The following GPC6 variants were observed in gnomAD, a reference collection of about 807,000 sequenced individuals.
GPC6 encodes the protein glypican 6.
In GPC6, 14 loss-of-function variants were observed where a neutral mutation model predicts 55.2. The ratio of observed to expected loss-of-function variants is 0.25; its 90% CI spans 0.17 to 0.40. The LOEUF is 0.40. Among genes scored for constraint, GPC6 ranks in the 10% least tolerant of loss-of-function variants. The probability of loss-of-function intolerance (pLI) is 1.00; values close to 1 mark genes in which losing one functional copy is unlikely to be tolerated. For synonymous variants in GPC6, 278 were observed against 259.6 expected (o/e 1.07, Z -0.68); for missense variants, 641 against 708.5 (o/e 0.90, Z 1.08).
intron 3 of GPC6, among the ~76,000 whole-genome samples, chr13:93,969,240 G>C (rs1880181712): frequency 6.6e-6 from 1 of 152,274 alleles, no homozygotes. Context: ...GGTTGTATCA[G>C]CAAAACCCAT....
At chr13:94,397,149 C>T (rs1340592578) in intron 7 of GPC6, among the ~76,000 whole-genome samples, 2 of 151,962 alleles carry the variant, frequency 1.3e-5, no homozygotes, top group Non-Finnish European at 2.9e-5. Context: ...GTGCAGGATG[C>T]TCTAGAGAGG....
At chr13:93,773,622 G>A (rs993083662) in intron 2 of GPC6, among the ~76,000 whole-genome samples, 1 of 152,080 alleles carries the variant, frequency 6.6e-6, no homozygotes, top group Non-Finnish European at 1.5e-5. Context: ...ATCAGTACTT[G>A]AGCCCATGGT....
intron 1 of GPC6, among the ~76,000 whole-genome samples, chr13:93,374,769 T>G (rs143889182): frequency 1.6e-4 from 25 of 152,338 alleles, no homozygotes; most frequent in African/African-American, 6.0e-4. Flanking sequence ...GTTTTCTTCA[T>G]TAGCTAAGTA....
At chr13:93,418,485 G>A (rs1418369643) in intron 1 of GPC6, among the ~76,000 whole-genome samples, 8 of 144,882 alleles carry the variant, frequency 5.5e-5, no homozygotes, top group African/African-American at 1.9e-4. Flanking sequence ...ATAGCAGTAT[G>A]CTGTAGTGTT....
chr13:93,788,478 G>GGTTTTCTGAAATGCCCTATTCTGTTCATT (rs1885883654), intron 2 of GPC6, among the ~76,000 whole-genome samples: 11 of 150,622 alleles, frequency 7.3e-5, no homozygotes, highest in Non-Finnish European at 1.5e-4. Flanking sequence ...GGAAAGAAAA[G>GGTTTTCTGAAATGCCCTATTCTGTTCATT]GTTTTCTGAA....
intron 1 of GPC6, 71 bp from the exon 2 acceptor site, chr13:93,545,192 G>A (rs1874715963): frequency 2.3e-6 from 3 of 1,315,486 alleles, no homozygotes; most frequent in South Asian, 1.2e-5. Context: ...CAAAGTGTTA[G>A]AGAAGTGAAA....
chr13:94,079,961 G>A (rs958016007), intron 4 of GPC6, among the ~76,000 whole-genome samples: 2 of 152,190 alleles, frequency 1.3e-5, no homozygotes, highest in African/African-American at 4.8e-5. Flanking sequence ...TGTTGAGAGA[G>A]CACAATGTCC....
chr13:93,500,774 A>G (rs530529309), intron 1 of GPC6, among the ~76,000 whole-genome samples: 1 of 152,320 alleles, frequency 6.6e-6, no homozygotes, highest in Non-Finnish European at 1.5e-5. Context: ...ATGCTTAAAA[A>G]TAGACAATGA....
At chr13:93,969,099 C>T (rs967594666) in intron 3 of GPC6, among the ~76,000 whole-genome samples, 1 of 152,072 alleles carries the variant, frequency 6.6e-6, no homozygotes, top group African/African-American at 2.4e-5. Context: ...TAGCACCAAC[C>T]GAAGAGATAA....
intron 4 of GPC6, among the ~76,000 whole-genome samples, chr13:94,249,274 A>G (rs1431627549): frequency 6.6e-6 from 1 of 152,134 alleles, no homozygotes; most frequent in African/African-American, 2.4e-5. Flanking sequence ...GCTGATAACA[A>G]TAGAGTGTAA....
intron 1 of GPC6, among the ~76,000 whole-genome samples, chr13:93,469,043 G>A (rs1022415195): frequency 7.2e-5 from 11 of 152,028 alleles, no homozygotes; most frequent in Non-Finnish European, 1.2e-4. Context: ...ATTCCTAAGG[G>A]CATCTGAGAA....
chr13:93,513,371 A>G (rs573215445), intron 1 of GPC6, among the ~76,000 whole-genome samples: 2 of 152,248 alleles, frequency 1.3e-5, no homozygotes, highest in East Asian at 3.9e-4. Flanking sequence ...CAATTGTGTA[A>G]TTGTAAAATA....
At chr13:93,829,238 C>G (rs568503902) in intron 2 of GPC6, among the ~76,000 whole-genome samples, 3 of 152,172 alleles carry the variant, frequency 2.0e-5, no homozygotes, top group Non-Finnish European at 4.4e-5. Flanking sequence ...TGAACTTGCT[C>G]TACCCAAGCT....
Position 93,276,493 on chromosome 13 carries a change from AGAGTGTGTGTGT to A in GPC6, c.160+48879_160+48890del, listed in dbSNP as rs1305136716. On this transcript the variant is annotated intron_variant, in intron 1 of 8. Transcript: ENST00000377047. ...GAGAGAGAGAGAGAGAGAGAGAGAGAGAGTGTGTGTGTGTGTGTGTGTGTGTGTGTGTGTATG... is the reference window on the plus strand; with the variant it reads ...GAGAGAGAGAGAGAGAGAGAGAGAGAGTGTGTGTGTGTGTGTGTGTGTATG... 7.0e-3 allele frequency among the ~76,000 whole-genome samples: 655 copies of A among 92,912 alleles called. 2 individuals are homozygous for A. Among genetic ancestry groups the A allele is most frequent in the African/African-American group, 0.022 (475 of 21,754 alleles). 61.0% of individuals were successfully genotyped at this position (92,912 alleles called of 152,430 possible). A position where few individuals can be genotyped will look rare whatever the true frequency, so the allele number is the denominator to read the frequency against.
chr13:94,158,518 C>T (rs1196863342), intron 4 of GPC6, among the ~76,000 whole-genome samples: 1 of 152,004 alleles, frequency 6.6e-6, no homozygotes, highest in Non-Finnish European at 1.5e-5. Flanking sequence ...GATAAGCATT[C>T]AAAATCCAGC....
At chr13:93,399,192 T>G (rs539337004) in intron 1 of GPC6, among the ~76,000 whole-genome samples, 6 of 152,160 alleles carry the variant, frequency 3.9e-5, no homozygotes, top group Non-Finnish European at 8.8e-5. Context: ...ATGGTGCGTG[T>G]TCTGAATGGA....
intron 2 of GPC6, among the ~76,000 whole-genome samples, chr13:93,556,865 T>A (rs1296877869): frequency 6.6e-6 from 1 of 152,176 alleles, no homozygotes; most frequent in African/African-American, 2.4e-5. Context: ...TCCATCCATA[T>A]TATTGCAAAT....
chr13:93,998,073 A>G (rs1032170045), intron 3 of GPC6, among the ~76,000 whole-genome samples: 2 of 152,208 alleles, frequency 1.3e-5, no homozygotes, highest in Non-Finnish European at 2.9e-5. Flanking sequence ...GAAAGCACTT[A>G]TTTATAGAGT....
At chr13:93,998,499 C>T (rs139461707) in intron 3 of GPC6, among the ~76,000 whole-genome samples, 1 of 152,174 alleles carries the variant, frequency 6.6e-6, no homozygotes, top group Non-Finnish European at 1.5e-5. Context: ...CTTTACTTCC[C>T]TCTGCTATCA....
Sources: allele counts gnomAD v4.1 joint callset (sites outside exome capture counted in the v4.1 genomes callset), GRCh38; gene constraint gnomAD v4.1.1; transcripts MANE v1.5; gene names NCBI Gene and HGNC (gene_info 2026-07-23, HGNC 2026-07-21).